ABCC3: variants seen among roughly 807,000 people sequenced by gnomAD.
ABCC3 encodes the protein ATP binding cassette subfamily C member 3.
ABCC3 carries 121 observed loss-of-function variants against 165.3 expected under a neutral mutation model. The observed-to-expected ratio is 0.73, with a 90% CI of 0.63 to 0.85. The LOEUF is 0.85. ABCC3 is among the 40% of genes least tolerant of loss of function. The pLI, the probability that ABCC3 is intolerant of heterozygous loss-of-function variation, is 0.00. For synonymous variants in ABCC3, 733 were observed against 810.1 expected, an observed-to-expected ratio of 0.90 and a Z score of 1.62; for missense variants, 1,869 against 1,964.1, an observed-to-expected ratio of 0.95 and a Z score of 0.92.
intron 8 of ABCC3, among the ~76,000 whole-genome samples, chr17:50,661,914 A>G (rs562834515): frequency 3.5e-4 from 53 of 152,314 alleles, no homozygotes; most frequent in African/African-American, 1.1e-3. Context: ...AGGTGAAGAA[A>G]CAGGGGAAAG....
chr17:50,665,324 G>C (rs1051327807), intron 11 of ABCC3, 79 bp downstream of exon 11: 1 of 1,340,260 alleles, frequency 7.5e-7, no homozygotes, highest in African/African-American at 1.4e-5. Context: ...CTAACCTTGG[G>C]GCCTCCCAAC....
intron 17 of ABCC3, among the ~76,000 whole-genome samples, chr17:50,670,199 C>T (rs1245044020): frequency 6.6e-6 from 1 of 152,096 alleles, no homozygotes; most frequent in African/African-American, 2.4e-5. Flanking sequence ...TCTCGTGTCT[C>T]AGCCACCCGA....
Position 50,655,836 on chromosome 17 carries a change from C to A in ABCC3, c.50C>A (p.Ser17Tyr), listed in dbSNP as rs2146604471. ...AACTGTTCTCTGTGTCCCCAGGACT[C>A]CAACCTGTCTGTGCACACAGAAAAC... ...SGELGSKFWD[S>Y]NLSVHTENPD... Residue 17 changes from serine (S) to tyrosine (Y), a missense_variant, in exon 2 of 31, where the codon TCC becomes TAC. Transcript: ENST00000285238. 1.2e-6 allele frequency: 2 copies of A among 1,613,958 alleles called. No individual in the cohort carries two copies. The highest frequency in any genetic ancestry group is 2.7e-5 in the African/African-American group (2 of 75,018).
At position 50,678,107 on chromosome 17, in the gene ABCC3, G is replaced by T; in HGVS notation, c.3593G>T (p.Gly1198Val). 6.3e-7 allele frequency: 1 copy of T among 1,599,304 alleles called. No homozygotes were observed. The highest frequency in any genetic ancestry group is 8.5e-7 in the Non-Finnish European group (1 of 1,171,182). ...ATCCCCCATAGGTGGCTGAGCATCG[G>T]AGTGGAGTTCGTGGGGAACTGCGTG... is the stretch of plus-strand genomic sequence containing the variant. ...YIISNRWLSI[G>V]VEFVGNCVVL... Residue 1198 changes from glycine to valine, a missense_variant, in exon 25 of 31, where the codon GGA becomes GTA. By Grantham distance (109) the Gly-to-Val change is moderately radical. Transcript: ENST00000285238.
chr17:50,651,257 G>A (rs1242396232), intron 1 of ABCC3, among the ~76,000 whole-genome samples: 2 of 152,064 alleles, frequency 1.3e-5, no homozygotes, highest in Non-Finnish European at 2.9e-5. Context: ...TTTCTCAATG[G>A]TCCAAAATGT....
In ABCC3 at chr17:50,672,180, C is replaced by T. The variant is rs1967662310; in HGVS notation, c.2242-791C>T. Among the ~76,000 whole-genome samples, 3 of 152,188 alleles carry T rather than the reference C, an allele frequency of 2.0e-5. No individual in the cohort carries two copies. In the East Asian group the frequency reaches 5.8e-4, roughly 29 times the overall value. ...AATGCCACCCCTCAATCCTGCCACA[C>T]TGGGGGGTAAGTTTCAACATGCACT... On this transcript the variant is annotated intron_variant, in intron 17 of 30. Coordinates refer to ENST00000285238, the MANE Select transcript of ABCC3 (RefSeq NM_003786.4).
rs1169702121 is a variant in ABCC3, at chr17:50,683,968, C to T, written c.3974C>T (p.Thr1325Ile). 4 of 1,613,382 alleles carry T rather than the reference C, an allele frequency of 2.5e-6. No homozygotes were observed. The South Asian group carries it at 4.4e-5, about 18-fold the overall frequency. The change falls in exon 28 of 31, where the codon ACT (threonine) becomes ATT (isoleucine). Residue 1325 changes from threonine to isoleucine, a missense_variant. By Grantham distance (89) the Thr-to-Ile change is moderately conservative. Transcript: ENST00000285238. ...GGEKVGIVGR[T>I]GAGKSSMTLC... Reference sequence around the variant, plus strand: ...GCCCAGGTGGGGATCGTGGGCCGCACTGGGGCTGGCAAGTCTTCCATGACC... The same window carrying T: ...GCCCAGGTGGGGATCGTGGGCCGCATTGGGGCTGGCAAGTCTTCCATGACC...
At chr17:50,644,788 G>A (rs1966967369) in intron 1 of ABCC3, among the ~76,000 whole-genome samples, 1 of 152,092 alleles carries the variant, frequency 6.6e-6, no homozygotes, top group African/African-American at 2.4e-5. Flanking sequence ...GGAGGCCGAG[G>A]TGGGCAGATC....
Position 50,683,761 on chromosome 17 carries a change from G to T in ABCC3, c.3954+5G>T. ...CATGTGCACGGTGGCGAGAAGGTACGCGTGGGGTAGGCGGGCCTGCGTGTG... is the reference window on the plus strand; with the variant it reads ...CATGTGCACGGTGGCGAGAAGGTACTCGTGGGGTAGGCGGGCCTGCGTGTG... On this transcript the variant is annotated splice_donor_5th_base_variant and intron_variant, in intron 27 of 30. Coordinates refer to ENST00000285238, the MANE Select transcript of ABCC3 (RefSeq NM_003786.4). 1.2e-6 allele frequency: 2 copies of T among 1,603,108 alleles called. No homozygotes were observed. Among genetic ancestry groups the T allele is most frequent in the Non-Finnish European group, 1.7e-6 (2 of 1,176,200 alleles).
intron 11 of ABCC3, among the ~76,000 whole-genome samples, chr17:50,665,451 C>T (rs1156664538): frequency 1.3e-5 from 2 of 152,200 alleles, no homozygotes; most frequent in East Asian, 1.9e-4. Flanking sequence ...AGAAGACCAA[C>T]GCTTAGAGAA....
At chr17:50,639,799 T>C (rs187153822) in intron 1 of ABCC3, among the ~76,000 whole-genome samples, 2 of 151,904 alleles carry the variant, frequency 1.3e-5, no homozygotes, top group Non-Finnish European at 2.9e-5. Flanking sequence ...AGTCTTGCTC[T>C]GTCGCCCAGG....
chr17:50,674,946 C>T (rs1967768168), intron 19 of ABCC3, among the ~76,000 whole-genome samples: 1 of 151,788 alleles, frequency 6.6e-6, no homozygotes, highest in South Asian at 2.1e-4. Context: ...ATTATAGGTG[C>T]CCGCCACCAC....
In ABCC3 at chr17:50,680,942, G is replaced by T. The variant is rs1170962116; in HGVS notation, c.3807+1043G>T. Among the ~76,000 whole-genome samples the T allele has an allele frequency of 2.0e-5, 3 of 152,118 alleles. No individual in the cohort carries two copies. In the East Asian group the frequency reaches 5.8e-4, roughly 29 times the overall value. On this transcript the variant is annotated intron_variant, in intron 26 of 30. Coordinates refer to ENST00000285238, the MANE Select transcript of ABCC3 (RefSeq NM_003786.4). ...ATACAAAAAAATAGCTGGGCGTGGT[G>T]GTGCACACCTGTATTCCCAGCTACT...
chr17:50,691,474 G>T lies in ABCC3; in HGVS notation c.*274G>T, dbSNP rs1013124325. 5 of 294,180 alleles carry T rather than the reference G, an allele frequency of 1.7e-5. No homozygotes were observed. The highest frequency in any genetic ancestry group is 3.2e-5 in the Non-Finnish European group (5 of 154,108). The allele number at this position is 294,180 out of a possible 1,614,324, so 18.2% of individuals were successfully genotyped here. A position where few individuals can be genotyped will look rare whatever the true frequency, so the allele number is the denominator to read the frequency against. ...CCCAACTGAGTGTTATTTGCACACT[G>T]CACTGTTTTCAAATAACGATTTTAT... On this transcript the variant is annotated 3_prime_UTR_variant, in exon 31 of 31. Coordinates refer to ENST00000285238, the MANE Select transcript of ABCC3 (RefSeq NM_003786.4).
At chr17:50,648,901 A>G (rs9902630) in intron 1 of ABCC3, among the ~76,000 whole-genome samples, 66,660 of 151,902 alleles carry the variant, frequency 0.44, 15,387 homozygotes, top group Non-Finnish European at 0.52. Flanking sequence ...GATCACTTGA[A>G]GTCAGGAGTT....
At position 50,687,524 on chromosome 17, in the gene ABCC3, C is replaced by G; in HGVS notation, c.4281-12C>G. 6.2e-7 allele frequency: 1 copy of G among 1,610,660 alleles called. No homozygotes were observed. Among genetic ancestry groups the G allele is most frequent in the East Asian group, 2.2e-5 (1 of 44,848 alleles). ...GCCCCCAGCTGGAAATGCCTGCCTT[C>G]TCCACTCCCAGCGTGGGCCAGAGGC... On this transcript the variant is annotated splice_polypyrimidine_tract_variant and intron_variant, in intron 29 of 30. Transcript: ENST00000285238.
intron 19 of ABCC3, among the ~76,000 whole-genome samples, chr17:50,675,078 G>A (rs1368038469): frequency 2.0e-5 from 3 of 152,130 alleles, no homozygotes; most frequent in African/African-American, 7.2e-5. Context: ...GATTACAGGC[G>A]TGAGCCACCA....
intron 1 of ABCC3, among the ~76,000 whole-genome samples, chr17:50,648,900 A>G (rs1160791496): frequency 6.6e-6 from 1 of 152,000 alleles, no homozygotes; most frequent in Non-Finnish European, 1.5e-5. Context: ...GGATCACTTG[A>G]AGTCAGGAGT....
chr17:50,676,463 C>T lies in ABCC3; in HGVS notation c.3253C>T (p.Pro1085Ser). 1 of 1,614,200 alleles carries T rather than the reference C, an allele frequency of 6.2e-7. No homozygotes were observed. The change falls in exon 23 of 31, where the codon CCT becomes TCT. Residue 1085 changes from proline (P) to serine (S), a missense_variant. By Grantham distance (74) the Pro-to-Ser change is moderately conservative. Transcript: ENST00000285238. ...DIYVVDEVLA[P>S]VILMLLNSFF... ...CTATGTCGTTGATGAGGTTCTGGCCCCTGTCATCCTCATGCTGCTCAATTC... is the reference window on the plus strand; with the variant it reads ...CTATGTCGTTGATGAGGTTCTGGCCTCTGTCATCCTCATGCTGCTCAATTC...
Sources: allele counts gnomAD v4.1 joint callset (sites outside exome capture counted in the v4.1 genomes callset), GRCh38; gene constraint gnomAD v4.1.1; transcripts MANE v1.5; gene names NCBI Gene and HGNC (gene_info 2026-07-23, HGNC 2026-07-21).